RANBP2: variants seen among roughly 807,000 people sequenced by gnomAD.
RANBP2 encodes the protein RAN binding protein 2.
Under a neutral mutation model 303.6 loss-of-function variants are expected in RANBP2, and 57 were observed. That is an observed-to-expected ratio of 0.19 (90% confidence interval 0.15 to 0.23). RANBP2 has a LOEUF of 0.23. Among genes scored for constraint, RANBP2 ranks in the 10% least tolerant of loss-of-function variants. The pLI is 1.00. For missense variants in RANBP2, 3,138 were observed against 3,780.8 expected (o/e 0.83, Z 4.46); for synonymous variants, 1,167 against 1,301.5 (o/e 0.90, Z 2.23).
chr2:109,688,839 A>G, the RANBP2 span, among the ~76,000 whole-genome samples: 11 of 150,006 alleles, frequency 7.3e-5, no homozygotes, highest in East Asian at 7.9e-4. Context: ...CTCTTCCTCA[A>G]TGCTGTCTAT....
chr2:109,711,287 C>T, the RANBP2 span, among the ~76,000 whole-genome samples: 2 of 152,040 alleles, frequency 1.3e-5, no homozygotes, highest in South Asian at 4.2e-4. Context: ...ACCCTATAAA[C>T]GTCACCATTT....
At chr2:108,732,860 A>G (rs1430114279) in intron 4 of RANBP2, among the ~76,000 whole-genome samples, 2 of 151,928 alleles carry the variant, frequency 1.3e-5, no homozygotes, top group Non-Finnish European at 1.5e-5. Flanking sequence ...GTCTCGCTCT[A>G]TTGCCCAGGT....
At chr2:109,124,930 C>T in the RANBP2 span, among the ~76,000 whole-genome samples, 374 of 152,278 alleles carry the variant, frequency 2.5e-3, 4 homozygotes, top group African/African-American at 8.5e-3. Context: ...CTTTGTTTAT[C>T]GTAAATAATG....
chr2:108,738,221 G>T (rs1402891107), intron 6 of RANBP2, among the ~76,000 whole-genome samples: 1 of 151,330 alleles, frequency 6.6e-6, no homozygotes, highest in Admixed American at 6.6e-5. Context: ...GCCTACAGGT[G>T]CCCGCCACCA....
chr2:109,353,820 G>A, the RANBP2 span, among the ~76,000 whole-genome samples: 2 of 152,146 alleles, frequency 1.3e-5, no homozygotes, highest in East Asian at 1.9e-4. Flanking sequence ...GGGAGCTGCC[G>A]GCAGTGAGAG....
In RANBP2 at chr2:108,775,719, T is replaced by A. The variant is rs371061964; in HGVS notation, c.8293-13T>A. On this transcript the variant is annotated splice_polypyrimidine_tract_variant and intron_variant, in intron 23 of 28. Coordinates refer to ENST00000283195, the MANE Select transcript of RANBP2 (RefSeq NM_006267.5). Reference sequence around the variant, plus strand: ...TTTAAGTGGCATAGTATTTTGTGACTTCCTCTTTGCAGAAATCTCAGACAG... The same window carrying A: ...TTTAAGTGGCATAGTATTTTGTGACATCCTCTTTGCAGAAATCTCAGACAG... The A allele has an allele frequency of 5.0e-6, 8 of 1,613,182 alleles. No homozygotes were observed. The African/African-American group carries it at 9.3e-5, about 19-fold the overall frequency.
intron 1 of RANBP2, among the ~76,000 whole-genome samples, chr2:108,722,219 G>C (rs2912855): frequency 4.1e-4 from 63 of 152,218 alleles, no homozygotes; most frequent in East Asian, 1.2e-3. Flanking sequence ...AGAATTTTGA[G>C]GATTGGTTAT....
the RANBP2 span, among the ~76,000 whole-genome samples, chr2:109,183,625 C>A: frequency 6.6e-6 from 1 of 151,998 alleles, no homozygotes; most frequent in African/African-American, 2.4e-5. Context: ...AAATTAACTT[C>A]TTTTATCCTG....
the RANBP2 span, among the ~76,000 whole-genome samples, chr2:109,238,401 A>G: frequency 6.7e-6 from 1 of 150,226 alleles, no homozygotes; most frequent in African/African-American, 2.4e-5. Context: ...GCTTTAAAAA[A>G]TTTTCTCTTT....
At chr2:109,086,080 A>T in the RANBP2 span, among the ~76,000 whole-genome samples, 1 of 152,310 alleles carries the variant, frequency 6.6e-6, no homozygotes, top group African/African-American at 2.4e-5. Context: ...CTCAAGTTTC[A>T]TCCATGTTGT....
the RANBP2 span, among the ~76,000 whole-genome samples, chr2:109,097,310 AAACAAAAAAC>A: frequency 2.0e-5 from 2 of 99,066 alleles, no homozygotes; most frequent in South Asian, 8.8e-4. Context: ...CTCAAAAACA[AAACAAAAAAC>A]AAAACAAAAC....
the RANBP2 span, among the ~76,000 whole-genome samples, chr2:109,636,763 C>T: frequency 6.6e-6 from 1 of 152,152 alleles, no homozygotes; most frequent in Non-Finnish European, 1.5e-5. Context: ...CATGATGAAA[C>T]CCCGTCACTA....
chr2:108,991,422 T>G, the RANBP2 span, among the ~76,000 whole-genome samples: 1 of 152,220 alleles, frequency 6.6e-6, no homozygotes, highest in Non-Finnish European at 1.5e-5. Flanking sequence ...GAATCAAGAC[T>G]GCAGAACATG....
chr2:109,453,684 T>A, the RANBP2 span, among the ~76,000 whole-genome samples: 1 of 152,204 alleles, frequency 6.6e-6, no homozygotes, highest in Non-Finnish European at 1.5e-5. Context: ...TTCATAATGA[T>A]GGAAAGGTCA....
chr2:109,176,923 G>C, the RANBP2 span, among the ~76,000 whole-genome samples: 1 of 152,186 alleles, frequency 6.6e-6, no homozygotes, highest in Non-Finnish European at 1.5e-5. Context: ...GGTGAGACTG[G>C]TGGAAAGGAG....
the RANBP2 span, among the ~76,000 whole-genome samples, chr2:109,339,503 C>T: frequency 9.2e-5 from 14 of 152,122 alleles, no homozygotes; most frequent in Admixed American, 2.6e-4. Context: ...AGGAGGCCCA[C>T]GTGAGTGTGC....
At chr2:109,459,212 AAAC>A in the RANBP2 span, among the ~76,000 whole-genome samples, 1 of 152,188 alleles carries the variant, frequency 6.6e-6, no homozygotes, top group Non-Finnish European at 1.5e-5. Flanking sequence ...AGAGAGAAGA[AAAC>A]AAAGGTACTG....
At chr2:109,183,996 T>A in the RANBP2 span, among the ~76,000 whole-genome samples, 1 of 152,182 alleles carries the variant, frequency 6.6e-6, no homozygotes, top group African/African-American at 2.4e-5. Context: ...TGGAGCCCTG[T>A]GGTCCTTAGT....
At chr2:109,599,275 T>C in the RANBP2 span, among the ~76,000 whole-genome samples, 1 of 151,970 alleles carries the variant, frequency 6.6e-6, no homozygotes, top group Admixed American at 6.6e-5. Context: ...CTGGCCAACA[T>C]GGTGAAACCC....
Sources: gnomAD v4.1 joint callset for allele counts (sites outside exome capture counted in the v4.1 genomes callset) on GRCh38, gnomAD v4.1.1 for gene constraint, MANE v1.5 for transcripts, NCBI Gene and HGNC (gene_info 2026-07-23, HGNC 2026-07-21) for gene names.